The following RGS5 variants were observed in gnomAD, a reference collection of about 807,000 sequenced individuals.
RGS5 encodes the protein regulator of G-protein signalling 5.
A neutral mutation model predicts 18.9 loss-of-function variants in RGS5; 20 were observed. The ratio of observed to expected loss-of-function variants is 1.06; its 90% CI spans 0.74 to 1.54. The LOEUF (loss-of-function observed/expected upper bound fraction) is 1.54, where lower values mean the gene tolerates loss of function less well. RGS5 is among the 40% of genes most tolerant of loss of function. The probability of loss-of-function intolerance (pLI) is 0.00; values close to 1 mark genes in which losing one functional copy is unlikely to be tolerated. For synonymous variants in RGS5, 57 were observed against 76.2 expected, an observed-to-expected ratio of 0.75 and a Z score of 1.31; for missense variants, 201 against 211.8, an observed-to-expected ratio of 0.95 and a Z score of 0.32.
intron 2 of RGS5, among the ~76,000 whole-genome samples, chr1:163,258,645 CTGTGTGTGTGTGTGTGTG>C (rs113301415): frequency 0.22 from 32,443 of 148,304 alleles, 3,705 homozygotes; most frequent in African/African-American, 0.31. Flanking sequence ...GTAAGTGTGT[CTGTGTGTGTGTGTGTGTG>C]TGTGTGTGTG....
At chr1:163,183,281 A>G (rs1658939583) in intron 1 of RGS5, among the ~76,000 whole-genome samples, 1 of 152,124 alleles carries the variant, frequency 6.6e-6, no homozygotes, top group Non-Finnish European at 1.5e-5. Flanking sequence ...CAAGATTTCT[A>G]TTTTCAGGAA....
At chr1:163,277,070 G>A (rs1648876220) in intron 2 of RGS5, among the ~76,000 whole-genome samples, 1 of 152,156 alleles carries the variant, frequency 6.6e-6, no homozygotes, top group Non-Finnish European at 1.5e-5. Flanking sequence ...GCTACCAGGA[G>A]GCTTCATCTG....
chr1:163,173,498 C>T (rs568703520), intron 1 of RGS5, among the ~76,000 whole-genome samples: 32 of 152,040 alleles, frequency 2.1e-4, no homozygotes, highest in African/African-American at 3.9e-4. Context: ...CCTGCTAGTG[C>T]GTGAATTTAA....
intron 3 of RGS5, among the ~76,000 whole-genome samples, chr1:163,156,284 A>T (rs973535105): frequency 1.3e-5 from 2 of 152,230 alleles, no homozygotes; most frequent in Admixed American, 1.3e-4. Flanking sequence ...GTGCTAAGAA[A>T]TAAATAATTC....
intron 1 of RGS5, among the ~76,000 whole-genome samples, chr1:163,214,248 TTCATGTTAAATCTGTGA>T (rs575441292): frequency 9.1e-4 from 138 of 152,192 alleles, no homozygotes; most frequent in African/African-American, 3.2e-3. Context: ...AGAGACAGAT[TTCATGTTAAATCTGTGA>T]TCAGTAACTT....
upstream of RGS5, among the ~76,000 whole-genome samples, chr1:163,205,378 C>G (rs1289972543): frequency 2.0e-5 from 3 of 147,096 alleles, no homozygotes; most frequent in Non-Finnish European, 4.5e-5. Context: ...AAGGAGAGAG[C>G]CTACTACGTA....
In RGS5 at chr1:163,284,161, A is replaced by C. The variant is rs1041578589; in HGVS notation, c.-281+22072T>G. On this transcript the variant is annotated intron_variant, in intron 2 of 5. Transcript: ENST00000618415. ...GTAGCTTGAATTCCTGTTTTAAGAG[A>C]ATCTGACCTATAACTCTTTTGTTGT... Among the ~76,000 whole-genome samples, 4 of 152,172 alleles carry C rather than the reference A, an allele frequency of 2.6e-5. No homozygotes were observed. The East Asian group carries it at 7.7e-4, about 29-fold the overall frequency.
At chr1:163,185,205 T>TACAC (rs149595022) in intron 1 of RGS5, among the ~76,000 whole-genome samples, 15 of 151,002 alleles carry the variant, frequency 9.9e-5, no homozygotes, top group African/African-American at 3.4e-4. Flanking sequence ...AGTCTTTATT[T>TACAC]ACACACACAC....
At chr1:163,236,132 T>C (rs1647615862) in intron 2 of RGS5, among the ~76,000 whole-genome samples, 1 of 152,202 alleles carries the variant, frequency 6.6e-6, no homozygotes, top group African/African-American at 2.4e-5. Flanking sequence ...TTCTTCTAAA[T>C]TTTGTTTAGA....
chr1:163,321,716 G>A (rs1247301734), exon 1 of RGS5: 2 of 152,132 alleles, frequency 1.3e-5, no homozygotes, highest in African/African-American at 4.8e-5. Context: ...TCTAAACGCT[G>A]GCGGAAGTCA....
chr1:163,144,845 T>A lies in RGS5; in HGVS notation c.*2497A>T, dbSNP rs1347728528. The A allele has an allele frequency of 6.6e-6, 1 of 152,586 alleles. No individual in the cohort carries two copies. The highest frequency in any genetic ancestry group is 1.9e-4 in the East Asian group (1 of 5,200). The allele number at this position is 152,586 out of a possible 1,614,324, so 9.5% of individuals were successfully genotyped here. A position where few individuals can be genotyped will look rare whatever the true frequency, so the allele number is the denominator to read the frequency against. ...GTTCAAAGAAATTTTCTTGAACAAT[T>A]TTAATATGTTTGATTTCTCATTTGG... On this transcript the variant is annotated 3_prime_UTR_variant, in exon 5 of 5. Coordinates refer to ENST00000313961, the MANE Select transcript of RGS5 (RefSeq NM_003617.4).
chr1:163,228,993 T>G (rs1017243778), intron 2 of RGS5, among the ~76,000 whole-genome samples: 1 of 152,188 alleles, frequency 6.6e-6, no homozygotes, highest in Non-Finnish European at 1.5e-5. Context: ...GTTCCAAATT[T>G]TCCCATATCT....
At chr1:163,314,035 T>G (rs1014682412) in intron 1 of RGS5, among the ~76,000 whole-genome samples, 1 of 151,012 alleles carries the variant, frequency 6.6e-6, no homozygotes, top group Non-Finnish European at 1.5e-5. Flanking sequence ...GTGTGTGTGT[T>G]TATAAATGGA....
intron 2 of RGS5, among the ~76,000 whole-genome samples, chr1:163,235,357 G>A (rs773615224): frequency 6.6e-6 from 1 of 152,108 alleles, no homozygotes; most frequent in Non-Finnish European, 1.5e-5. Flanking sequence ...AATATATAAT[G>A]TTGAAAAAGT....
intron 2 of RGS5, among the ~76,000 whole-genome samples, chr1:163,246,220 TA>T (rs34509210): frequency 0.018 from 2,343 of 127,380 alleles, 67 homozygotes; most frequent in African/African-American, 0.06. Context: ...GACTCCATCT[TA>T]AAAAAAAAAA....
intron 1 of RGS5, among the ~76,000 whole-genome samples, chr1:163,307,444 T>C (rs1277315508): frequency 2.0e-5 from 3 of 152,048 alleles, no homozygotes; most frequent in Admixed American, 6.6e-5. Context: ...TCAAATCATG[T>C]AGAAAAAGTC....
At chr1:163,254,458 A>G (rs1648212796) in intron 2 of RGS5, among the ~76,000 whole-genome samples, 1 of 151,614 alleles carries the variant, frequency 6.6e-6, no homozygotes, top group Admixed American at 6.6e-5. Context: ...TCTTTTGAGA[A>G]GTGTCTGTTT....
chr1:163,206,106 T>C (rs530300192), upstream of RGS5, among the ~76,000 whole-genome samples: 1 of 152,302 alleles, frequency 6.6e-6, no homozygotes, highest in Admixed American at 6.5e-5. Flanking sequence ...CTCAGAAATA[T>C]ATACTGTCAA....
chr1:163,292,964 G>A (rs984040192), intron 2 of RGS5, among the ~76,000 whole-genome samples: 3 of 152,096 alleles, frequency 2.0e-5, no homozygotes, highest in South Asian at 2.1e-4. Context: ...CTATTCTGTA[G>A]GTTGTCTGTT....
Sources: allele counts gnomAD v4.1 joint callset (sites outside exome capture counted in the v4.1 genomes callset), GRCh38; gene constraint gnomAD v4.1.1; transcripts MANE v1.5; gene names NCBI Gene and HGNC (gene_info 2026-07-23, HGNC 2026-07-21).